Variants in GRIN2A observed in about 807,000 individuals in gnomAD.
The protein encoded by GRIN2A is glutamate ionotropic receptor NMDA type subunit 2A.
GRIN2A carries 22 observed loss-of-function variants against 113.4 expected under a neutral mutation model. The observed-to-expected ratio is 0.19, with a 90% CI of 0.14 to 0.28. GRIN2A has a LOEUF of 0.28. GRIN2A is among the 10% of genes least tolerant of loss of function. The pLI is 1.00. For synonymous variants in GRIN2A, 827 were observed against 738.4 expected (o/e 1.12, Z -1.94); for missense variants, 1,502 against 1,887.0 (o/e 0.80, Z 3.78).
intron 2 of GRIN2A, among the ~76,000 whole-genome samples, chr16:10,172,057 T>C (rs1252207078): frequency 6.6e-6 from 1 of 152,208 alleles, no homozygotes; most frequent in African/African-American, 2.4e-5. Context: ...CTGCTATTCA[T>C]ATTTTGGTAT....
rs186469046 is a variant in GRIN2A at position 10,128,110 on chromosome 16, T to C, written c.414+51888A>G. On this transcript the variant is annotated intron_variant, in intron 2 of 12. Transcript: ENST00000330684. ...TGGCAACGTCCCATGCTTATTTTCA[T>C]CCATTGTTGCTGAGAAGGTGGCACT... Among the ~76,000 whole-genome samples the C allele has an allele frequency of 2.0e-5, 3 of 152,278 alleles. No homozygotes were observed. The East Asian group carries it at 5.8e-4, about 29-fold the overall frequency.
At chr16:9,978,601 A>G (rs2045822492) in intron 2 of GRIN2A, among the ~76,000 whole-genome samples, 1 of 151,934 alleles carries the variant, frequency 6.6e-6, no homozygotes, top group Non-Finnish European at 1.5e-5. Flanking sequence ...TTCCCTCTGT[A>G]AGAACATTAC....
rs554672963 is a variant in GRIN2A, at chr16:10,079,584, G to A, written c.414+100414C>T. Among the ~76,000 whole-genome samples, 5 of 152,306 alleles carry A rather than the reference G, an allele frequency of 3.3e-5. No individual in the cohort carries two copies. In the South Asian group the frequency reaches 1.0e-3, roughly 32 times the overall value. On this transcript the variant is annotated intron_variant, in intron 2 of 12. Coordinates refer to ENST00000330684, the MANE Select transcript of GRIN2A (RefSeq NM_001134407.3). Reference sequence around the variant, plus strand: ...TCATGCCCTGATAAAAGAGGCTCCAGAGAGATCAACGGCCCCTTCCATTAC... The same window carrying A: ...TCATGCCCTGATAAAAGAGGCTCCAAAGAGATCAACGGCCCCTTCCATTAC...
chr16:10,149,469 C>A (rs766452128), intron 2 of GRIN2A, among the ~76,000 whole-genome samples: 1 of 152,224 alleles, frequency 6.6e-6, no homozygotes, highest in Admixed American at 6.5e-5. Context: ...AATTTTGCAA[C>A]TTTTCTACAA....
At chr16:9,961,645 G>A (rs115955333) in intron 2 of GRIN2A, among the ~76,000 whole-genome samples, 1,894 of 152,228 alleles carry the variant, frequency 0.012, 33 homozygotes, top group African/African-American at 0.043. Flanking sequence ...AACTGCACTT[G>A]CACCTCTTAA....
At chr16:9,890,074 C>T (rs2043664259) in intron 4 of GRIN2A, among the ~76,000 whole-genome samples, 1 of 152,170 alleles carries the variant, frequency 6.6e-6, no homozygotes, top group Admixed American at 6.5e-5. Context: ...TCTCCCACAG[C>T]ACATCCTATA....
rs892823464 is a variant in GRIN2A at position 10,002,484 on chromosome 16, G to A, written c.415-63933C>T. On this transcript the variant is annotated intron_variant, in intron 2 of 12. Transcript: ENST00000330684. ...CTGGAGGCTGAATGACCGGTTTCAC[G>A]GATTAGGTGGGTAAGAGAAGGAAGT... Among the ~76,000 whole-genome samples the A allele has an allele frequency of 4.6e-5, 7 of 152,172 alleles. No homozygotes were observed. The East Asian group carries it at 1.2e-3, about 25-fold the overall frequency.
At chr16:9,995,108 C>T (rs544455766) in intron 2 of GRIN2A, among the ~76,000 whole-genome samples, 43 of 152,152 alleles carry the variant, frequency 2.8e-4, no homozygotes, top group Non-Finnish European at 5.9e-4. Flanking sequence ...TTCCTCCTAT[C>T]ATCCCCTTAA....
At chr16:10,061,227 G>C (rs1330343483) in intron 2 of GRIN2A, among the ~76,000 whole-genome samples, 4 of 152,160 alleles carry the variant, frequency 2.6e-5, no homozygotes, top group African/African-American at 9.7e-5. Context: ...CTTTAATGAT[G>C]CAAACCATGT....
At chr16:9,823,140 A>G (rs1204036622) in intron 9 of GRIN2A, among the ~76,000 whole-genome samples, 1 of 152,178 alleles carries the variant, frequency 6.6e-6, no homozygotes, top group Non-Finnish European at 1.5e-5. Flanking sequence ...TCCATGCATC[A>G]CCAGTCTTCT....
intron 2 of GRIN2A, among the ~76,000 whole-genome samples, chr16:10,002,605 C>T (rs760120400): frequency 6.6e-6 from 1 of 152,124 alleles, no homozygotes; most frequent in Non-Finnish European, 1.5e-5. Context: ...ACGCAGGCAA[C>T]AAAATTGAGC....
intron 11 of GRIN2A, among the ~76,000 whole-genome samples, chr16:9,792,356 G>C (rs1032971250): frequency 6.6e-6 from 1 of 152,070 alleles, no homozygotes; most frequent in African/African-American, 2.4e-5. Context: ...CTGAGTAGGT[G>C]GGCCTACAAG....
intron 2 of GRIN2A, among the ~76,000 whole-genome samples, chr16:9,967,469 G>C (rs997174538): frequency 6.6e-6 from 1 of 152,224 alleles, no homozygotes; most frequent in Non-Finnish European, 1.5e-5. Context: ...ACTTTGGGAG[G>C]CCAAGGCGGG....
intron 2 of GRIN2A, among the ~76,000 whole-genome samples, chr16:10,055,526 G>A (rs1416338072): frequency 6.6e-6 from 1 of 152,170 alleles, no homozygotes; most frequent in Non-Finnish European, 1.5e-5. Flanking sequence ...CCAGATCAAT[G>A]TAAAAAGGAT....
intron 3 of GRIN2A, among the ~76,000 whole-genome samples, chr16:9,899,604 T>C (rs1031559657): frequency 1.3e-5 from 2 of 152,034 alleles, no homozygotes; most frequent in Middle Eastern, 3.2e-3. Flanking sequence ...ACAAATTCTA[T>C]TGTGGTCAAT....
At chr16:9,829,803 A>G (rs1369316116) in intron 8 of GRIN2A, 151 bp from the exon 9 acceptor site, 2 of 635,096 alleles carry the variant, frequency 3.1e-6, no homozygotes, top group South Asian at 1.8e-5. Context: ...TAGAACCACA[A>G]TAACTTATTT....
intron 2 of GRIN2A, among the ~76,000 whole-genome samples, chr16:10,074,628 C>T (rs184628068): frequency 8.1e-4 from 124 of 152,222 alleles, no homozygotes; most frequent in African/African-American, 2.6e-3. Flanking sequence ...GGAAACCAGA[C>T]GCAAAAGGCC....
intron 2 of GRIN2A, among the ~76,000 whole-genome samples, chr16:9,974,880 A>G (rs1462439107): frequency 5.3e-5 from 8 of 152,140 alleles, no homozygotes; most frequent in Non-Finnish European, 1.5e-5. Context: ...TACTATGCTG[A>G]ATAGAAGTGG....
At chr16:10,071,739 T>C (rs2047754662) in intron 2 of GRIN2A, among the ~76,000 whole-genome samples, 2 of 152,190 alleles carry the variant, frequency 1.3e-5, no homozygotes, top group Non-Finnish European at 2.9e-5. Flanking sequence ...ATCACCAGTA[T>C]GGTCCCAAGC....
Sources: gnomAD v4.1 joint callset for allele counts (sites outside exome capture counted in the v4.1 genomes callset) on GRCh38, gnomAD v4.1.1 for gene constraint, MANE v1.5 for transcripts, NCBI Gene and HGNC (gene_info 2026-07-23, HGNC 2026-07-21) for gene names.